Variants in RAB15 observed in about 807,000 individuals in gnomAD.
RAB15 encodes the protein ras-related protein Rab-15.
RAB15 carries 13 observed loss-of-function variants against 31.8 expected under a neutral mutation model. The ratio of observed to expected loss-of-function variants is 0.41; its 90% confidence interval spans 0.27 to 0.65. The LOEUF (loss-of-function observed/expected upper bound fraction) is 0.65, where lower values mean the gene tolerates loss of function less well. Among genes scored for constraint, RAB15 ranks in the 30% least tolerant of loss-of-function variants. The pLI is 0.32. For missense variants in RAB15, 220 were observed against 277.3 expected, an observed-to-expected ratio of 0.79 and a Z score of 1.47; for synonymous variants, 100 against 105.6, an observed-to-expected ratio of 0.95 and a Z score of 0.33.
At chr14:64,963,292 G>A (rs1447469826) in intron 1 of RAB15, among the ~76,000 whole-genome samples, 2 of 151,834 alleles carry the variant, frequency 1.3e-5, no homozygotes, top group African/African-American at 2.4e-5. Context: ...GCTAATTTTT[G>A]TATTTTTAGT....
At position 64,962,067 on chromosome 14, in the gene RAB15, TAGC is replaced by T. The variant is rs1886892853; in HGVS notation, c.125-9499_125-9497del. 6.6e-6 allele frequency among the ~76,000 whole-genome samples: 1 copy of T among 151,908 alleles called. No individual in the cohort carries two copies. The highest frequency in any genetic ancestry group is 2.4e-5 in the African/African-American group (1 of 41,348). On this transcript the variant is annotated intron_variant, in intron 1 of 6. Coordinates refer to ENST00000533601, the MANE Select transcript of RAB15 (RefSeq NM_001308154.2). The surrounding 1 kb of genome is among the most constrained non-coding windows in gnomAD (Gnocchi z 4.2). Reference sequence around the variant, plus strand: ...TTGTCTCTACTAAAAATACAAAAATTAGCTGGTCGTGGTGGCAGGCTCCTGGAA... The same window carrying T: ...TTGTCTCTACTAAAAATACAAAAATTTGGTCGTGGTGGCAGGCTCCTGGAA...
chr14:64,952,859 G>A lies in RAB15; in HGVS notation c.125-288C>T, dbSNP rs1486139144. ...AATCTACTTCATCACTGCCTTACTC[G>A]ACAGACTTAAAACATGTCTCGTTCT... On this transcript the variant is annotated intron_variant, in intron 1 of 6. Transcript: ENST00000533601. This position sits in a 1 kb window ranked among gnomAD's most constrained non-coding sequence, Gnocchi z 4.2. Among the ~76,000 whole-genome samples, 1 of 152,196 alleles carries A rather than the reference G, an allele frequency of 6.6e-6. No homozygotes were observed. Among genetic ancestry groups the A allele is most frequent in the Admixed American group, 6.5e-5 (1 of 15,278 alleles).
rs1886713834 is a variant in RAB15 at position 64,958,903 on chromosome 14, G to C, written c.125-6332C>G. On this transcript the variant is annotated intron_variant, in intron 1 of 6. Coordinates refer to ENST00000533601, the MANE Select transcript of RAB15 (RefSeq NM_001308154.2). This position sits in a 1 kb window ranked among gnomAD's most constrained non-coding sequence, Gnocchi z 4.4. ...CCTGTGTCCCTTTCTGGCTAGAACA[G>C]CTCAGCCCCAAACCTCTGCTCAGAG... Among the ~76,000 whole-genome samples, 1 of 152,178 alleles carries C rather than the reference G, an allele frequency of 6.6e-6. No individual in the cohort carries two copies. The highest frequency in any genetic ancestry group is 1.5e-5 in the Non-Finnish European group (1 of 68,044).
Position 64,948,814 on chromosome 14 carries a change from T to A in RAB15, c.415-81A>T. 2 of 1,203,630 alleles carry A rather than the reference T, an allele frequency of 1.7e-6. No individual in the cohort carries two copies. Among genetic ancestry groups the A allele is most frequent in the Non-Finnish European group, 2.4e-6 (2 of 818,714 alleles). The allele number at this position is 1,203,630 out of a possible 1,614,324, so 74.6% of individuals were successfully genotyped here. Reference sequence around the variant, plus strand: ...ACAACCAGGCACAGGCTTCTGCCACTGCACTCACAACCATGCTGTGTTGTG... The same window carrying A: ...ACAACCAGGCACAGGCTTCTGCCACAGCACTCACAACCATGCTGTGTTGTG... On this transcript the variant is annotated intron_variant, in intron 5 of 6. Coordinates refer to ENST00000533601, the MANE Select transcript of RAB15 (RefSeq NM_001308154.2). This position sits in a 1 kb window ranked among gnomAD's most constrained non-coding sequence, Gnocchi z 7.0.
chr14:64,960,071 C>A (rs879623581), intron 1 of RAB15, among the ~76,000 whole-genome samples: 2 of 152,194 alleles, frequency 1.3e-5, no homozygotes, highest in East Asian at 3.9e-4. Context: ...CCTGCTGTGA[C>A]TCTGTCTGTA....
At position 64,952,582 on chromosome 14, in the gene RAB15, G is replaced by C. The variant is rs750006264; in HGVS notation, c.125-11C>G. 6.2e-7 allele frequency: 1 copy of C among 1,600,350 alleles called. No homozygotes were observed. The highest frequency in any genetic ancestry group is 1.1e-5 in the South Asian group (1 of 90,738). ...TCTTAAAGTCAACACCTGAAGAAAG[G>C]AAGAAAGAAAGAAAGTTAGAAAGCG... On this transcript the variant is annotated splice_polypyrimidine_tract_variant and intron_variant, in intron 1 of 6. Transcript: ENST00000533601. The surrounding 1 kb of genome is among the most constrained non-coding windows in gnomAD (Gnocchi z 4.2).
In RAB15 at chr14:64,955,179, C is replaced by G. The variant is rs1188163661; in HGVS notation, c.125-2608G>C. Among the ~76,000 whole-genome samples the G allele has an allele frequency of 6.6e-6, 1 of 152,192 alleles. No individual in the cohort carries two copies. Among genetic ancestry groups the G allele is most frequent in the Non-Finnish European group, 1.5e-5 (1 of 68,036 alleles). Reference sequence around the variant, plus strand: ...CACCTTTTGGCTATTCATATGCATTCACATATGATGGAAGAAACAGAGTAA... The same window carrying G: ...CACCTTTTGGCTATTCATATGCATTGACATATGATGGAAGAAACAGAGTAA... On this transcript the variant is annotated intron_variant, in intron 1 of 6. Transcript: ENST00000533601. The surrounding 1 kb of genome is among the most constrained non-coding windows in gnomAD (Gnocchi z 4.4).
intron 1 of RAB15, among the ~76,000 whole-genome samples, chr14:64,960,012 G>A (rs1886768536): frequency 6.6e-6 from 1 of 152,188 alleles, no homozygotes; most frequent in South Asian, 2.1e-4. Context: ...TCAACTGATG[G>A]TGCCATGCAG....
rs1887425269 is a variant in RAB15 at position 64,971,668 on chromosome 14, C to G, written c.124+285G>C. On this transcript the variant is annotated intron_variant, in intron 1 of 6. Coordinates refer to ENST00000533601, the MANE Select transcript of RAB15 (RefSeq NM_001308154.2). The surrounding 1 kb of genome is among the most constrained non-coding windows in gnomAD (Gnocchi z 4.1). The stretch of plus-strand genomic sequence containing the variant: ...TCTTGCTACCCCAGCTCGGGGTACC[C>G]AGGCCTACACCAGCTCCCCTCACCC... 1 of 465,014 alleles carries G rather than the reference C, an allele frequency of 2.2e-6. No homozygotes were observed. Among genetic ancestry groups the G allele is most frequent in the African/African-American group, 2.0e-5 (1 of 48,992 alleles). The allele number at this position is 465,014 out of a possible 1,614,324, so 28.8% of individuals were successfully genotyped here.
chr14:64,951,211 A>C lies in RAB15; in HGVS notation c.247-60T>G, dbSNP rs1403117242. The C allele has an allele frequency of 7.1e-7, 1 of 1,409,178 alleles. No individual in the cohort carries two copies. The highest frequency in any genetic ancestry group is 9.9e-7 in the Non-Finnish European group (1 of 1,007,600). 87.3% of individuals were successfully genotyped at this position (1,409,178 alleles called of 1,614,324 possible). A position where few individuals can be genotyped will look rare whatever the true frequency, so the allele number is the denominator to read the frequency against. On this transcript the variant is annotated intron_variant, in intron 3 of 6. Transcript: ENST00000533601. The surrounding 1 kb of genome is among the most constrained non-coding windows in gnomAD (Gnocchi z 7.2). The stretch of plus-strand genomic sequence containing the variant: ...ACAGAGAGAGTGCAGTCATGGGGCC[A>C]GAAGGGGCCGTGGAAACTTAAAGGT...
chr14:64,969,288 A>C (rs1237573526), intron 1 of RAB15, among the ~76,000 whole-genome samples: 1 of 152,168 alleles, frequency 6.6e-6, no homozygotes, highest in Non-Finnish European at 1.5e-5. Context: ...GGTAGCACTC[A>C]TTTCGTTGGC....
At position 64,946,822 on chromosome 14, in the gene RAB15, G is replaced by C. The variant is rs535568669; in HGVS notation, c.*1532C>G. Reference sequence around the variant, plus strand: ...CTCTTCCTAGGCCTCGCCCACCTTGGGACGGTGGGCAGGAACCCCAGTAGA... The same window carrying C: ...CTCTTCCTAGGCCTCGCCCACCTTGCGACGGTGGGCAGGAACCCCAGTAGA... On this transcript the variant is annotated 3_prime_UTR_variant, in exon 7 of 7. Coordinates refer to ENST00000533601, the MANE Select transcript of RAB15 (RefSeq NM_001308154.2). 2 of 151,878 alleles carry C rather than the reference G, an allele frequency of 1.3e-5. No individual in the cohort carries two copies. Among genetic ancestry groups the C allele is most frequent in the African/African-American group, 4.9e-5 (2 of 40,786 alleles). The allele number at this position is 151,878 out of a possible 1,614,324, so 9.4% of individuals were successfully genotyped here.
chr14:64,971,863 C>A lies in RAB15; in HGVS notation c.124+90G>T. ...GCGCCACCGCCTCCAGCCGGAGGGG[C>A]TGGCAATTCCTCCCCAGCTGGGGAC... On this transcript the variant is annotated intron_variant, in intron 1 of 6. Transcript: ENST00000533601. The surrounding 1 kb of genome is among the most constrained non-coding windows in gnomAD (Gnocchi z 4.1). 1 of 1,280,174 alleles carries A rather than the reference C, an allele frequency of 7.8e-7. No individual in the cohort carries two copies. The highest frequency in any genetic ancestry group is 1.1e-6 in the Non-Finnish European group (1 of 928,232). The allele number at this position is 1,280,174 out of a possible 1,614,324, so 79.3% of individuals were successfully genotyped here. A position where few individuals can be genotyped will look rare whatever the true frequency, so the allele number is the denominator to read the frequency against.
intron 1 of RAB15, among the ~76,000 whole-genome samples, chr14:64,959,541 A>G (rs981510258): frequency 6.6e-6 from 1 of 152,176 alleles, no homozygotes; most frequent in African/African-American, 2.4e-5. Flanking sequence ...AGTGCCAGGC[A>G]TAAAGAAGCA....
chr14:64,972,177 G>A lies in RAB15; in HGVS notation c.-101C>T, dbSNP rs1406182677. On this transcript the variant is annotated 5_prime_UTR_variant, in exon 1 of 7. Transcript: ENST00000533601. The surrounding 1 kb of genome is among the most constrained non-coding windows in gnomAD (Gnocchi z 6.3). ...GCGCCCGCCCGGGGACGCTGCGGGC[G>A]GCGAGGAGGACGCCGGGCCCGGCCC... 2 of 1,032,194 alleles carry A rather than the reference G, an allele frequency of 1.9e-6. No individual in the cohort carries two copies. The highest frequency in any genetic ancestry group is 2.4e-6 in the Non-Finnish European group (2 of 836,104). The allele number at this position is 1,032,194 out of a possible 1,614,324, so 63.9% of individuals were successfully genotyped here. A position where few individuals can be genotyped will look rare whatever the true frequency, so the allele number is the denominator to read the frequency against.
Position 64,947,508 on chromosome 14 carries a change from C to A in RAB15, c.*846G>T, listed in dbSNP as rs1276822077. On this transcript the variant is annotated 3_prime_UTR_variant, in exon 7 of 7. Coordinates refer to ENST00000533601, the MANE Select transcript of RAB15 (RefSeq NM_001308154.2). This position sits in a 1 kb window ranked among gnomAD's most constrained non-coding sequence, Gnocchi z 5.6. ...GTAGAGAATGGAGGTGACTTTTTAT[C>A]CCTGCCACCCCTCATTTTGTTTCCT... The A allele has an allele frequency of 6.6e-6, 1 of 152,652 alleles. No homozygotes were observed. The highest frequency in any genetic ancestry group is 1.5e-5 in the Non-Finnish European group (1 of 68,066). 9.5% of individuals were successfully genotyped at this position (152,652 alleles called of 1,614,324 possible). A position where few individuals can be genotyped will look rare whatever the true frequency, so the allele number is the denominator to read the frequency against.
chr14:64,962,920 C>G lies in RAB15; in HGVS notation c.124+9033G>C, dbSNP rs1248933932. Reference sequence around the variant, plus strand: ...CTTACACTTGTCTGGAGGCGTGAACCTGAAGAATACACCAAGAAACTTCTC... The same window carrying G: ...CTTACACTTGTCTGGAGGCGTGAACGTGAAGAATACACCAAGAAACTTCTC... On this transcript the variant is annotated intron_variant, in intron 1 of 6. Transcript: ENST00000533601. The surrounding 1 kb of genome is among the most constrained non-coding windows in gnomAD (Gnocchi z 4.2). Among the ~76,000 whole-genome samples, 1 of 152,114 alleles carries G rather than the reference C, an allele frequency of 6.6e-6. No homozygotes were observed. Among genetic ancestry groups the G allele is most frequent in the Non-Finnish European group, 1.5e-5 (1 of 68,032 alleles).
chr14:64,952,468 G>A lies in RAB15; in HGVS notation c.185+43C>T. ...AGGGGCAGCTAAGGAGCAGCCAGAA[G>A]TCCTCTTCTCCTACATCTGCCTCCT... is the stretch of plus-strand genomic sequence containing the variant. On this transcript the variant is annotated intron_variant, in intron 2 of 6. Transcript: ENST00000533601. This position sits in a 1 kb window ranked among gnomAD's most constrained non-coding sequence, Gnocchi z 4.2. The A allele has an allele frequency of 6.6e-7, 1 of 1,505,384 alleles. No homozygotes were observed. The highest frequency in any genetic ancestry group is 1.7e-4 in the Middle Eastern group (1 of 5,834). The allele number at this position is 1,505,384 out of a possible 1,614,324, so 93.3% of individuals were successfully genotyped here. A position where few individuals can be genotyped will look rare whatever the true frequency, so the allele number is the denominator to read the frequency against.
rs540945646 is a variant in RAB15, at chr14:64,968,470, C to T, written c.124+3483G>A. On this transcript the variant is annotated intron_variant, in intron 1 of 6. Coordinates refer to ENST00000533601, the MANE Select transcript of RAB15 (RefSeq NM_001308154.2). The surrounding 1 kb of genome is among the most constrained non-coding windows in gnomAD (Gnocchi z 4.9). ...ACCCATCCCATCCATCGCCATTCTC[C>T]GGCTGCCTCATGGTACATCTTGCAT... is the stretch of plus-strand genomic sequence containing the variant. Among the ~76,000 whole-genome samples the T allele has an allele frequency of 1.2e-4, 19 of 152,306 alleles. No homozygotes were observed. In the East Asian group the frequency reaches 1.5e-3, roughly 12 times the overall value.
Sources: allele counts gnomAD v4.1 joint callset (sites outside exome capture counted in the v4.1 genomes callset), GRCh38; gene constraint gnomAD v4.1.1; non-coding constraint Gnocchi (gnomAD v3.1); transcripts MANE v1.5; gene names NCBI Gene and HGNC (gene_info 2026-07-23, HGNC 2026-07-21).